Variants in STX8 observed in about 807,000 individuals in gnomAD.
The protein encoded by STX8 is syntaxin 8, also known as syntaxin-8.
STX8 carries 23 observed loss-of-function variants against 37.5 expected under a neutral mutation model. The ratio of observed to expected loss-of-function variants is 0.61; its 90% CI spans 0.44 to 0.87. The LOEUF is 0.87. STX8 is among the 40% of genes least tolerant of loss of function. The pLI, the probability that STX8 is intolerant of heterozygous loss-of-function variation, is 0.00. For missense variants in STX8, 313 were observed against 284.7 expected, an observed-to-expected ratio of 1.10 and a Z score of -0.71; for synonymous variants, 115 against 99.1, an observed-to-expected ratio of 1.16 and a Z score of -0.95.
At chr17:9,556,815 ATATATT>A (rs1344406107) in intron 3 of STX8, 1 of 142,586 alleles carries the variant, frequency 7.0e-6, no homozygotes, top group Non-Finnish European at 1.5e-5. Flanking sequence ...ATATATATAT[ATATATT>A]TTAACACTTG....
chr17:9,261,939 T>A (rs1907054785), intron 7 of STX8, among the ~76,000 whole-genome samples: 2 of 152,200 alleles, frequency 1.3e-5, no homozygotes, highest in Admixed American at 1.3e-4. Flanking sequence ...CTCTTGACTG[T>A]CGGAAGATTC....
At chr17:9,335,853 A>T (rs866084074) in intron 7 of STX8, among the ~76,000 whole-genome samples, 36 of 151,830 alleles carry the variant, frequency 2.4e-4, no homozygotes, top group African/African-American at 7.5e-4. Context: ...ACACACTCAC[A>T]CTCACGTAAA....
At chr17:9,284,553 G>A (rs901496756) in intron 7 of STX8, among the ~76,000 whole-genome samples, 1 of 149,442 alleles carries the variant, frequency 6.7e-6, no homozygotes, top group Non-Finnish European at 1.5e-5. Context: ...GGATAAAGTA[G>A]GAAAGTTCAG....
intron 6 of STX8, among the ~76,000 whole-genome samples, chr17:9,453,875 A>C (rs1023930010): frequency 1.3e-5 from 2 of 152,132 alleles, no homozygotes; most frequent in African/African-American, 4.8e-5. Context: ...TGCTCTCCTA[A>C]GGGGACTTAT....
chr17:9,277,120 C>A (rs1907704304), intron 7 of STX8, among the ~76,000 whole-genome samples: 1 of 152,126 alleles, frequency 6.6e-6, no homozygotes, highest in Non-Finnish European at 1.5e-5. Flanking sequence ...GCCAGAATCA[C>A]CTTTTAACAT....
chr17:9,495,873 C>A (rs1904378212), intron 5 of STX8, among the ~76,000 whole-genome samples: 1 of 152,140 alleles, frequency 6.6e-6, no homozygotes, highest in Non-Finnish European at 1.5e-5. Flanking sequence ...CACAATGCTG[C>A]TGACTGCAAA....
chr17:9,513,955 G>A (rs748456953), intron 4 of STX8, among the ~76,000 whole-genome samples: 5 of 152,158 alleles, frequency 3.3e-5, no homozygotes, highest in Admixed American at 6.6e-5. Context: ...TTACTCATAC[G>A]CAGAAGCTAA....
At chr17:9,572,482 T>C (rs1907722858) in intron 1 of STX8, among the ~76,000 whole-genome samples, 1 of 152,208 alleles carries the variant, frequency 6.6e-6, no homozygotes, top group East Asian at 1.9e-4. Flanking sequence ...CAATCTCGGC[T>C]CACTGCAACC....
intron 4 of STX8, among the ~76,000 whole-genome samples, chr17:9,516,308 TA>T (rs1188037094): frequency 8.0e-5 from 7 of 87,384 alleles, no homozygotes; most frequent in Non-Finnish European, 1.6e-4. Flanking sequence ...CATATATATA[TA>T]TATATATATA....
At chr17:9,353,383 C>A (rs949598483) in intron 7 of STX8, among the ~76,000 whole-genome samples, 2 of 152,176 alleles carry the variant, frequency 1.3e-5, no homozygotes, top group Non-Finnish European at 2.9e-5. Flanking sequence ...TATTTAGAAA[C>A]CAAGAACTGG....
intron 7 of STX8, among the ~76,000 whole-genome samples, chr17:9,284,257 T>G (rs1907995407): frequency 2.0e-5 from 3 of 152,162 alleles, no homozygotes; most frequent in Admixed American, 6.5e-5. Flanking sequence ...AATTGTATGG[T>G]TTGTCTCTAA....
intron 4 of STX8, among the ~76,000 whole-genome samples, chr17:9,541,803 C>T (rs529777687): frequency 6.6e-6 from 1 of 152,272 alleles, no homozygotes; most frequent in South Asian, 2.1e-4. Flanking sequence ...ACATAAAGAG[C>T]TTAGCACAGT....
chr17:9,311,723 G>A (rs2142191953), intron 7 of STX8, among the ~76,000 whole-genome samples: 1 of 152,226 alleles, frequency 6.6e-6, no homozygotes, highest in East Asian at 1.9e-4. Context: ...CTGCGAATGT[G>A]GATATTACAT....
intron 4 of STX8, among the ~76,000 whole-genome samples, chr17:9,538,135 C>CT: frequency 6.6e-6 from 1 of 152,126 alleles, no homozygotes; most frequent in Non-Finnish European, 1.5e-5. Flanking sequence ...CTTAGTAACT[C>CT]CTTGGGGTTC....
At chr17:9,338,411 G>A (rs1453397194) in intron 7 of STX8, among the ~76,000 whole-genome samples, 1 of 152,092 alleles carries the variant, frequency 6.6e-6, no homozygotes, top group Non-Finnish European at 1.5e-5. Flanking sequence ...AAGACACATG[G>A]TGCTTCAGCT....
chr17:9,403,536 T>C (rs1912698364), intron 6 of STX8, among the ~76,000 whole-genome samples: 1 of 152,178 alleles, frequency 6.6e-6, no homozygotes, highest in Admixed American at 6.5e-5. Context: ...ACTGAAAACA[T>C]TTAAGAAATA....
chr17:9,469,330 T>C (rs1905747469), intron 6 of STX8: 1 of 149,504 alleles, frequency 6.7e-6, no homozygotes, highest in Non-Finnish European at 1.5e-5. Flanking sequence ...TTCATGTCTG[T>C]CTCTCATCAG....
intron 7 of STX8, among the ~76,000 whole-genome samples, chr17:9,254,778 T>C (rs1434569428): frequency 1.3e-5 from 2 of 152,126 alleles, no homozygotes; most frequent in Non-Finnish European, 2.9e-5. Flanking sequence ...GGGTTCTCGT[T>C]CACCGCCATA....
chr17:9,318,572 C>T (rs773644549), intron 7 of STX8, among the ~76,000 whole-genome samples: 4 of 152,012 alleles, frequency 2.6e-5, no homozygotes, highest in Non-Finnish European at 5.9e-5. Context: ...GAGTGAAAAA[C>T]GAACAATACG....
Sources: allele counts gnomAD v4.1 joint callset (sites outside exome capture counted in the v4.1 genomes callset), GRCh38; gene constraint gnomAD v4.1.1; transcripts MANE v1.5; gene names NCBI Gene and HGNC (gene_info 2026-07-23, HGNC 2026-07-21).